SYT16: variants seen among roughly 807,000 people sequenced by gnomAD.
SYT16 encodes synaptotagmin 16, also known as synaptotagmin-16.
A neutral mutation model predicts 61.4 loss-of-function variants in SYT16; 42 were observed. That is an observed-to-expected ratio of 0.68 (90% CI 0.53 to 0.89). SYT16 has a LOEUF of 0.89. SYT16 is among the 40% of genes least tolerant of loss of function. SYT16 has a pLI of 0.00. For synonymous variants in SYT16, 314 were observed against 302.3 expected (o/e 1.04, Z -0.40); for missense variants, 804 against 807.3 (o/e 1.00, Z 0.05).
intron 1 of SYT16, among the ~76,000 whole-genome samples, chr14:61,834,545 C>A (rs1393633502): frequency 2.1e-5 from 3 of 140,478 alleles, no homozygotes; most frequent in African/African-American, 8.2e-5. Context: ...TTAAGTGATT[C>A]TTCTGCCCCA....
In SYT16 at chr14:61,902,764, T is replaced by C. The variant is rs144807006; in HGVS notation, c.-324-67368T>C. On this transcript the variant is annotated intron_variant, in intron 1 of 7. Coordinates refer to ENST00000683842, the MANE Select transcript of SYT16 (RefSeq NM_001367656.1). ...CATGGCTGGAGAGGCCTCACCATCA[T>C]GGCAGAAGGTGAAAGGCACTTTGTA... Among the ~76,000 whole-genome samples, 1,406 of 152,290 alleles carry C rather than the reference T, an allele frequency of 9.2e-3. 11 individuals carry two copies. The highest frequency in any genetic ancestry group is 0.031 in the Middle Eastern group (9 of 294).
chr14:61,999,922 G>A (rs913266248), intron 3 of SYT16, among the ~76,000 whole-genome samples: 3 of 151,300 alleles, frequency 2.0e-5, no homozygotes, highest in South Asian at 2.1e-4. Flanking sequence ...CATACTTTCC[G>A]TTATTTTAGT....
intron 1 of SYT16, among the ~76,000 whole-genome samples, chr14:61,835,597 C>A (rs943059423): frequency 6.6e-6 from 1 of 151,790 alleles, no homozygotes; most frequent in African/African-American, 2.4e-5. Context: ...TATCAATCAC[C>A]TTTTTATGGC....
chr14:61,840,242 C>T (rs943114170), intron 1 of SYT16, among the ~76,000 whole-genome samples: 2 of 152,036 alleles, frequency 1.3e-5, no homozygotes, highest in Non-Finnish European at 2.9e-5. Context: ...CATTTAAGAG[C>T]CTGTGGGACT....
intron 1 of SYT16, among the ~76,000 whole-genome samples, chr14:61,959,674 A>G (rs1474915914): frequency 6.6e-6 from 1 of 152,216 alleles, no homozygotes; most frequent in Non-Finnish European, 1.5e-5. Flanking sequence ...CACTGCCACT[A>G]CAGTAGCACA....
chr14:62,017,172 T>C (rs1033660094), intron 3 of SYT16, among the ~76,000 whole-genome samples: 4 of 152,356 alleles, frequency 2.6e-5, no homozygotes, highest in Non-Finnish European at 4.4e-5. Flanking sequence ...ATACTGGTTT[T>C]ATTAATAATT....
intron 3 of SYT16, among the ~76,000 whole-genome samples, chr14:62,015,589 A>T (rs1052195925): frequency 2.0e-5 from 3 of 152,162 alleles, no homozygotes; most frequent in African/African-American, 7.2e-5. Context: ...CCCCAGTATG[A>T]TGGTATTAGG....
At chr14:61,922,099 A>G (rs981945426) in intron 1 of SYT16, among the ~76,000 whole-genome samples, 2 of 152,206 alleles carry the variant, frequency 1.3e-5, no homozygotes, top group Non-Finnish European at 2.9e-5. Flanking sequence ...GTAAAGAGAA[A>G]AGAAATGCTT....
intron 7 of SYT16, among the ~76,000 whole-genome samples, chr14:62,090,173 A>T (rs981609020): frequency 6.6e-6 from 1 of 152,210 alleles, no homozygotes; most frequent in African/African-American, 2.4e-5. Context: ...TCTACAGTGT[A>T]TTACTGCATT....
intron 1 of SYT16, among the ~76,000 whole-genome samples, chr14:61,963,856 A>G (rs2051205492): frequency 6.6e-6 from 1 of 152,190 alleles, no homozygotes; most frequent in Non-Finnish European, 1.5e-5. Context: ...CTCATTGACC[A>G]TTCAAAAAAT....
At chr14:61,867,967 A>G (rs2047212573) in intron 1 of SYT16, among the ~76,000 whole-genome samples, 2 of 152,032 alleles carry the variant, frequency 1.3e-5, no homozygotes, top group South Asian at 2.1e-4. Context: ...AATTACATTG[A>G]GTTTTGAATG....
chr14:61,847,090 A>C (rs980516341), intron 1 of SYT16, among the ~76,000 whole-genome samples: 2 of 152,134 alleles, frequency 1.3e-5, no homozygotes, highest in Non-Finnish European at 2.9e-5. Context: ...TAGTTTACAC[A>C]CCACAGTTAG....
intron 1 of SYT16, among the ~76,000 whole-genome samples, chr14:61,869,750 A>T (rs1282125197): frequency 6.6e-6 from 1 of 152,178 alleles, no homozygotes; most frequent in African/African-American, 2.4e-5. Context: ...CCTTATAATA[A>T]GAGACATGAG....
At chr14:61,982,382 A>G (rs2052119345) in intron 2 of SYT16, among the ~76,000 whole-genome samples, 1 of 152,160 alleles carries the variant, frequency 6.6e-6, no homozygotes, top group Non-Finnish European at 1.5e-5. Context: ...AGGCCTCACA[A>G]TCATGGTGGA....
intron 1 of SYT16, among the ~76,000 whole-genome samples, chr14:61,918,600 A>G (rs1160259508): frequency 6.6e-6 from 1 of 152,194 alleles, no homozygotes; most frequent in East Asian, 1.9e-4. Flanking sequence ...ATTGCCTGGC[A>G]AGAAAAGCAT....
chr14:61,920,444 G>A (rs1320908306), intron 1 of SYT16, among the ~76,000 whole-genome samples: 7 of 151,970 alleles, frequency 4.6e-5, no homozygotes, highest in Admixed American at 2.0e-4. Context: ...CCCTCCAACA[G>A]GCCCCGGTGT....
At chr14:61,905,410 T>C (rs563638213) in intron 1 of SYT16, among the ~76,000 whole-genome samples, 1 of 152,270 alleles carries the variant, frequency 6.6e-6, no homozygotes, top group Non-Finnish European at 1.5e-5. Flanking sequence ...CAATTACTTA[T>C]GCACCAAACT....
chr14:62,060,062 A>C (rs1466572504), intron 3 of SYT16, among the ~76,000 whole-genome samples: 3 of 152,076 alleles, frequency 2.0e-5, no homozygotes, highest in African/African-American at 7.2e-5. Context: ...GGGTCCCCCT[A>C]CTTTGCTCTT....
chr14:61,903,695 G>A (rs972140417), intron 1 of SYT16, among the ~76,000 whole-genome samples: 1 of 152,140 alleles, frequency 6.6e-6, no homozygotes, highest in African/African-American at 2.4e-5. Flanking sequence ...TGGAATGAGT[G>A]GATTAAGATT....
Sources: allele counts gnomAD v4.1 joint callset (sites outside exome capture counted in the v4.1 genomes callset), GRCh38; gene constraint gnomAD v4.1.1; transcripts MANE v1.5; gene names NCBI Gene and HGNC (gene_info 2026-07-23, HGNC 2026-07-21).